The following KCNH5 variants were observed in gnomAD, a reference collection of about 807,000 sequenced individuals.
The protein encoded by KCNH5 is potassium voltage-gated channel subfamily H member 5, also known as voltage-gated delayed rectifier potassium channel KCNH5.
Under a neutral mutation model 96.1 loss-of-function variants are expected in KCNH5, and 46 were observed. The observed-to-expected ratio is 0.48, with a 90% CI of 0.38 to 0.61. The LOEUF is 0.61. Among genes scored for constraint, KCNH5 ranks in the 20% least tolerant of loss-of-function variants. The pLI is 0.00. For missense variants in KCNH5, 907 were observed against 1,225.8 expected (o/e 0.74, Z 3.88); for synonymous variants, 439 against 449.8 (o/e 0.98, Z 0.30).
At position 62,917,069 on chromosome 14, in the gene KCNH5, A is replaced by G. The variant is rs555141193; in HGVS notation, c.1369+33064T>C. Among the ~76,000 whole-genome samples, 4 of 152,296 alleles carry G rather than the reference A, an allele frequency of 2.6e-5. No individual in the cohort carries two copies. In the South Asian group the frequency reaches 8.3e-4, roughly 32 times the overall value. The stretch of plus-strand genomic sequence containing the variant: ...TATTGGAATACAAACTAACATAAAA[A>G]CTGCAACTTACTCTATAGTTTAAAA... On this transcript the variant is annotated intron_variant, in intron 7 of 10. Coordinates refer to ENST00000322893, the MANE Select transcript of KCNH5 (RefSeq NM_139318.5).
intron 10 of KCNH5, among the ~76,000 whole-genome samples, chr14:62,749,681 G>A (rs1885454822): frequency 6.6e-6 from 1 of 152,146 alleles, no homozygotes; most frequent in Non-Finnish European, 1.5e-5. Flanking sequence ...ATTTCAAAAG[G>A]GCTGAGCTGC....
At chr14:62,941,364 A>C (rs1383880991) in intron 7 of KCNH5, among the ~76,000 whole-genome samples, 1 of 152,172 alleles carries the variant, frequency 6.6e-6, no homozygotes, top group African/African-American at 2.4e-5. Context: ...CCCTAGTTGG[A>C]ATAAGAATCA....
chr14:63,003,975 C>T (rs1891079884), intron 3 of KCNH5, among the ~76,000 whole-genome samples: 1 of 152,014 alleles, frequency 6.6e-6, no homozygotes, highest in Non-Finnish European at 1.5e-5. Flanking sequence ...GTAGAAACAG[C>T]CCCCTGCTAA....
At chr14:62,960,299 C>A (rs1478699409) in intron 6 of KCNH5, among the ~76,000 whole-genome samples, 3 of 152,160 alleles carry the variant, frequency 2.0e-5, no homozygotes, top group African/African-American at 7.2e-5. Flanking sequence ...GGACCATGTA[C>A]ATTCCCTTCA....
At chr14:62,712,314 A>T in intron 10 of KCNH5, 1 of 213,202 alleles carries the variant, frequency 4.7e-6, no homozygotes, top group Non-Finnish European at 9.3e-6. Context: ...GCATTGTAAA[A>T]TGATAATAAA....
chr14:62,980,503 T>C (rs969845713), intron 6 of KCNH5, among the ~76,000 whole-genome samples: 1 of 152,206 alleles, frequency 6.6e-6, no homozygotes, highest in African/African-American at 2.4e-5. Flanking sequence ...AAAGTAAATG[T>C]GGTTTTTGCC....
chr14:62,915,194 T>C (rs188150456), intron 7 of KCNH5, among the ~76,000 whole-genome samples: 2 of 152,360 alleles, frequency 1.3e-5, no homozygotes, highest in Admixed American at 1.3e-4. Context: ...TAGAACTAAT[T>C]GTGCTTTTTT....
At chr14:62,830,266 C>T (rs1371440560) in intron 8 of KCNH5, among the ~76,000 whole-genome samples, 1 of 152,170 alleles carries the variant, frequency 6.6e-6, no homozygotes, top group Non-Finnish European at 1.5e-5. Context: ...TTCTTCTGAG[C>T]CCTCCAACTA....
chr14:62,855,629 A>G (rs8012941), intron 7 of KCNH5, among the ~76,000 whole-genome samples: 87,652 of 152,114 alleles, frequency 0.58, 27,143 homozygotes, highest in African/African-American at 0.8. Flanking sequence ...TCCTGGAGGA[A>G]GAGGGTAGTG....
chr14:63,005,877 T>A (rs1411145400), intron 3 of KCNH5, among the ~76,000 whole-genome samples: 3 of 152,220 alleles, frequency 2.0e-5, no homozygotes, highest in African/African-American at 7.2e-5. Flanking sequence ...CGACTACTTC[T>A]ACTAGGCTTT....
chr14:62,853,494 A>ATATATAT (rs375695583), intron 7 of KCNH5, among the ~76,000 whole-genome samples: 14 of 102,058 alleles, frequency 1.4e-4, no homozygotes, highest in South Asian at 1.3e-3. Flanking sequence ...ATATATATAT[A>ATATATAT]ATCTTGGCCA....
At chr14:62,748,005 C>T (rs995238500) in intron 10 of KCNH5, among the ~76,000 whole-genome samples, 5 of 152,116 alleles carry the variant, frequency 3.3e-5, no homozygotes, top group Non-Finnish European at 5.9e-5. Flanking sequence ...TGCCACTAAA[C>T]GTTATACTTA....
intron 7 of KCNH5, among the ~76,000 whole-genome samples, chr14:62,894,284 C>A (rs1283142672): frequency 6.6e-6 from 1 of 152,130 alleles, no homozygotes; most frequent in Non-Finnish European, 1.5e-5. Context: ...CATCACATCA[C>A]AAAACACGCA....
At chr14:62,824,851 A>G (rs1208403137) in intron 8 of KCNH5, among the ~76,000 whole-genome samples, 3 of 151,894 alleles carry the variant, frequency 2.0e-5, no homozygotes, top group South Asian at 2.1e-4. Flanking sequence ...GTTTCCACTT[A>G]TAAGTGGAAA....
At chr14:62,734,261 T>A (rs922813462) in intron 10 of KCNH5, among the ~76,000 whole-genome samples, 1 of 152,078 alleles carries the variant, frequency 6.6e-6, no homozygotes. Flanking sequence ...AATCTGCCTA[T>A]TCTATCCACT....
chr14:62,813,857 A>G (rs1274942811), intron 8 of KCNH5, among the ~76,000 whole-genome samples: 2 of 152,176 alleles, frequency 1.3e-5, no homozygotes, highest in Non-Finnish European at 2.9e-5. Context: ...TTTCTTGGGA[A>G]GAAAAGAAAG....
intron 6 of KCNH5, among the ~76,000 whole-genome samples, chr14:62,974,822 C>T (rs1890471385): frequency 6.6e-6 from 1 of 152,146 alleles, no homozygotes; most frequent in Non-Finnish European, 1.5e-5. Flanking sequence ...CATTTTACTG[C>T]TTCAGGTCAA....
At chr14:62,762,800 C>T (rs781721746) in intron 10 of KCNH5, among the ~76,000 whole-genome samples, 4 of 151,236 alleles carry the variant, frequency 2.6e-5, no homozygotes, top group Non-Finnish European at 5.9e-5. Flanking sequence ...AAAAGAAGGG[C>T]ATTACATAAT....
intron 10 of KCNH5, among the ~76,000 whole-genome samples, chr14:62,708,971 C>T (rs552653328): frequency 5.1e-4 from 77 of 152,126 alleles, no homozygotes; most frequent in Non-Finnish European, 8.4e-4. Context: ...GTTGGCCGGG[C>T]GCGGCGGCTC....
Sources: allele counts gnomAD v4.1 joint callset (sites outside exome capture counted in the v4.1 genomes callset), GRCh38; gene constraint gnomAD v4.1.1; transcripts MANE v1.5; gene names NCBI Gene and HGNC (gene_info 2026-07-23, HGNC 2026-07-21).